Variants in CLNK observed in about 807,000 individuals in gnomAD.
The protein encoded by CLNK is cytokine dependent hematopoietic cell linker.
A neutral mutation model predicts 68.6 loss-of-function variants in CLNK; 74 were observed. The ratio of observed to expected loss-of-function variants is 1.08; its 90% CI spans 0.89 to 1.31. The LOEUF (loss-of-function observed/expected upper bound fraction) is 1.31, where lower values mean the gene tolerates loss of function less well. CLNK is among the 50% of genes most tolerant of loss of function. The probability of loss-of-function intolerance (pLI) is 0.00; values close to 1 mark genes in which losing one functional copy is unlikely to be tolerated. For synonymous variants in CLNK, 198 were observed against 172.2 expected (o/e 1.15, Z -1.17); for missense variants, 553 against 515.3 (o/e 1.07, Z -0.71).
chr4:10,559,909 T>C (rs904685422), intron 7 of CLNK, among the ~76,000 whole-genome samples: 3 of 152,220 alleles, frequency 2.0e-5, no homozygotes, highest in Non-Finnish European at 4.4e-5. Context: ...TGGAAAATTC[T>C]TGTGCCTTGT....
intron 2 of CLNK, among the ~76,000 whole-genome samples, chr4:10,621,400 A>G (rs1722451936): frequency 6.6e-6 from 1 of 152,230 alleles, no homozygotes. Context: ...GAATACATGA[A>G]GAAGTCTATC....
the CLNK span, among the ~76,000 whole-genome samples, chr4:10,717,317 CG>C: frequency 6.6e-6 from 1 of 152,106 alleles, no homozygotes; most frequent in Admixed American, 6.6e-5. Context: ...AAGCCGTGGC[CG>C]GGTGTGGTGG....
At chr4:10,673,925 A>C (rs769613061) in intron 1 of CLNK, among the ~76,000 whole-genome samples, 11 of 152,046 alleles carry the variant, frequency 7.2e-5, no homozygotes, top group Non-Finnish European at 1.5e-4. Context: ...ATGGAGCACA[A>C]CTCATGGTGT....
chr4:10,732,235 C>A, the CLNK span, among the ~76,000 whole-genome samples: 1 of 152,098 alleles, frequency 6.6e-6, no homozygotes, highest in East Asian at 1.9e-4. Flanking sequence ...CATAAAATGT[C>A]TGAAAATTTA....
chr4:10,534,514 C>G (rs1429515953), intron 11 of CLNK, among the ~76,000 whole-genome samples: 2 of 152,140 alleles, frequency 1.3e-5, no homozygotes, highest in East Asian at 3.8e-4. Flanking sequence ...CATCTGTGGG[C>G]TCTGTCACCC....
intron 2 of CLNK, among the ~76,000 whole-genome samples, chr4:10,623,721 G>C (rs1722548551): frequency 6.6e-6 from 1 of 152,254 alleles, no homozygotes; most frequent in African/African-American, 2.4e-5. Flanking sequence ...GCCCTGAACT[G>C]TAGGGACTCC....
chr4:10,537,288 A>C (rs1306705379), intron 11 of CLNK, among the ~76,000 whole-genome samples: 1 of 151,992 alleles, frequency 6.6e-6, no homozygotes, highest in South Asian at 2.1e-4. Context: ...GACCAGCCTG[A>C]CCAACATGGT....
chr4:10,672,618 A>G (rs1418251567), intron 1 of CLNK, among the ~76,000 whole-genome samples: 1 of 152,204 alleles, frequency 6.6e-6, no homozygotes, highest in Non-Finnish European at 1.5e-5. Flanking sequence ...ATAACCACTG[A>G]TGTAATCATA....
chr4:10,532,606 A>AGTCAGACC (rs754802560), intron 11 of CLNK, among the ~76,000 whole-genome samples: 80 of 152,364 alleles, frequency 5.3e-4, no homozygotes, highest in Non-Finnish European at 8.4e-4. Flanking sequence ...TCATTGGCAC[A>AGTCAGACC]GTCAGACCTA....
chr4:10,508,063 T>G (rs751407192), intron 16 of CLNK, 27 bp from the exon 17 acceptor site: 5 of 1,565,212 alleles, frequency 3.2e-6, no homozygotes, highest in Non-Finnish European at 4.4e-6. Context: ...ATGATAAATA[T>G]TTTAGGGTCA....
intron 2 of CLNK, among the ~76,000 whole-genome samples, chr4:10,616,240 C>T (rs968519862): frequency 6.6e-6 from 1 of 152,104 alleles, no homozygotes; most frequent in African/African-American, 2.4e-5. Flanking sequence ...TGCAGCTGGA[C>T]GTTGGCCATA....
rs1560185075 is a variant in CLNK at position 10,489,717 on chromosome 4, A to G, written c.*750T>C. The G allele has an allele frequency of 5.4e-5, 1 of 18,506 alleles. No homozygotes were observed. The highest frequency in any genetic ancestry group is 1.8e-4 in the Non-Finnish European group (1 of 5,456). The allele number at this position is 18,506 out of a possible 1,614,324, so 1.1% of individuals were successfully genotyped here. On this transcript the variant is annotated 3_prime_UTR_variant, in exon 19 of 19. Transcript: ENST00000226951. ...TCTCTCTGTCCCCAGGCTGGATTGG[A>G]GTGCAGTGGCGCGATTTCGGCTCAC...
At chr4:10,728,152 G>A in the CLNK span, among the ~76,000 whole-genome samples, 1 of 152,100 alleles carries the variant, frequency 6.6e-6, no homozygotes, top group African/African-American at 2.4e-5. Context: ...ACAGTGCGAG[G>A]GGCAGCCCAG....
intron 5 of CLNK, among the ~76,000 whole-genome samples, chr4:10,566,535 A>G (rs1332065439): frequency 6.6e-6 from 1 of 152,254 alleles, no homozygotes; most frequent in Admixed American, 6.5e-5. Context: ...ATAATCTTGT[A>G]TTTGAAGAAT....
chr4:10,601,012 C>T (rs1029894902), intron 2 of CLNK, among the ~76,000 whole-genome samples: 15 of 152,156 alleles, frequency 9.9e-5, no homozygotes, highest in African/African-American at 3.6e-4. Context: ...CAGCTTTGGC[C>T]TTTTTAACTT....
chr4:10,505,262 C>T (rs889274554), intron 17 of CLNK, among the ~76,000 whole-genome samples: 63 of 152,300 alleles, frequency 4.1e-4, no homozygotes, highest in African/African-American at 1.4e-3. Flanking sequence ...GCTCTCCACC[C>T]GGGCTGTGAA....
chr4:10,527,164 A>G (rs907570604), intron 13 of CLNK, among the ~76,000 whole-genome samples: 2 of 152,172 alleles, frequency 1.3e-5, no homozygotes, highest in Non-Finnish European at 2.9e-5. Context: ...TGTGTTAATA[A>G]TCATTGTTGT....
At chr4:10,592,495 A>G (rs1004863746) in intron 3 of CLNK, among the ~76,000 whole-genome samples, 1 of 148,744 alleles carries the variant, frequency 6.7e-6, no homozygotes, top group Middle Eastern at 3.4e-3. Flanking sequence ...TCCTTTCTCC[A>G]TCCTTCTCTC....
the CLNK span, among the ~76,000 whole-genome samples, chr4:10,698,041 T>C: frequency 6.6e-6 from 1 of 152,138 alleles, no homozygotes; most frequent in African/African-American, 2.4e-5. Context: ...AGTAGGTATG[T>C]GGGGGTAAAA....
Sources: allele counts gnomAD v4.1 joint callset (sites outside exome capture counted in the v4.1 genomes callset), GRCh38; gene constraint gnomAD v4.1.1; transcripts MANE v1.5; gene names NCBI Gene and HGNC (gene_info 2026-07-23, HGNC 2026-07-21).